Variants in TCF12 observed in about 807,000 individuals in gnomAD.
TCF12 encodes the protein DNA-binding protein HTF4.
A neutral mutation model predicts 86.0 loss-of-function variants in TCF12; 45 were observed. The ratio of observed to expected loss-of-function variants is 0.52; its 90% CI spans 0.41 to 0.67. The LOEUF is 0.67. Ranked by LOEUF, TCF12 falls within the 30% of genes least tolerant of loss-of-function variation. The pLI, the probability that TCF12 is intolerant of heterozygous loss-of-function variation, is 0.00. For missense variants in TCF12, 881 were observed against 859.9 expected, an observed-to-expected ratio of 1.02 and a Z score of -0.31; for synonymous variants, 330 against 299.6, an observed-to-expected ratio of 1.10 and a Z score of -1.05.
At chr15:57,012,472 C>T (rs193097214) in intron 3 of TCF12, among the ~76,000 whole-genome samples, 29 of 152,212 alleles carry the variant, frequency 1.9e-4, no homozygotes, top group Non-Finnish European at 2.6e-4. Flanking sequence ...AACTCTTGTA[C>T]GCCGCATTGA....
In TCF12 at chr15:56,920,985, A is replaced by T. The variant is rs139011395; in HGVS notation, c.76-41A>T. 3.3e-6 allele frequency: 5 copies of T among 1,499,104 alleles called. No individual in the cohort carries two copies. The African/African-American group carries it at 7.0e-5, about 21-fold the overall frequency. The allele number at this position is 1,499,104 out of a possible 1,614,324, so 92.9% of individuals were successfully genotyped here. On this transcript the variant is annotated intron_variant, in intron 2 of 20. Transcript: ENST00000333725. ...GACTTTTGTTTGCAAGGAATCTAGA[A>T]GAATTTCAGGACTAACAGATATATT...
rs766021329 is a variant in TCF12, at chr15:57,287,970, G to A, written c.*1825G>A. 1.3e-5 allele frequency: 2 copies of A among 152,328 alleles called. No homozygotes were observed. Among genetic ancestry groups the A allele is most frequent in the African/African-American group, 2.4e-5 (1 of 41,340 alleles). 9.4% of individuals were successfully genotyped at this position (152,328 alleles called of 1,614,324 possible). On this transcript the variant is annotated 3_prime_UTR_variant, in exon 21 of 21. Transcript: ENST00000333725. ...TTCTTCAGAGCTTGTTGTCTTTTTC[G>A]CTATATTAGACTTTGCAGTATGCCC...
intron 4 of TCF12, among the ~76,000 whole-genome samples, chr15:57,065,620 C>T (rs749418949): frequency 2.0e-5 from 3 of 150,054 alleles, no homozygotes; most frequent in South Asian, 2.1e-4. Flanking sequence ...CTTTCTTCAC[C>T]GCCCCGCCCC....
At chr15:57,080,827 G>C (rs553884966) in intron 4 of TCF12, among the ~76,000 whole-genome samples, 1 of 152,028 alleles carries the variant, frequency 6.6e-6, no homozygotes, top group Non-Finnish European at 1.5e-5. Context: ...TTTAACATAA[G>C]GGTACTCAAC....
At chr15:57,052,885 A>G (rs1357853914) in intron 3 of TCF12, among the ~76,000 whole-genome samples, 2 of 152,256 alleles carry the variant, frequency 1.3e-5, no homozygotes, top group African/African-American at 4.8e-5. Context: ...TTGTTTCCAC[A>G]TTTTTACTAT....
At chr15:57,207,376 TAATA>T (rs1402522232) in intron 8 of TCF12, among the ~76,000 whole-genome samples, 2 of 152,048 alleles carry the variant, frequency 1.3e-5, no homozygotes, top group African/African-American at 4.8e-5. Flanking sequence ...TAATAATAAA[TAATA>T]AATAGGCCGG....
At chr15:57,127,443 GCAAC>G (rs2051750369) in intron 5 of TCF12, among the ~76,000 whole-genome samples, 1 of 151,994 alleles carries the variant, frequency 6.6e-6, no homozygotes, top group Admixed American at 6.6e-5. Context: ...ACAAGTAAAG[GCAAC>G]CTATAATAGA....
chr15:57,034,787 A>G (rs777872306), intron 3 of TCF12, among the ~76,000 whole-genome samples: 11 of 152,156 alleles, frequency 7.2e-5, no homozygotes, highest in African/African-American at 1.2e-4. Context: ...TTAAACCCAG[A>G]ACTAGGACAC....
intron 5 of TCF12, among the ~76,000 whole-genome samples, chr15:57,142,909 G>A (rs923788991): frequency 1.3e-5 from 2 of 152,158 alleles, no homozygotes; most frequent in South Asian, 4.1e-4. Context: ...GGATATGAAA[G>A]TCAAGAAAGT....
chr15:57,126,084 A>G (rs890493699), intron 5 of TCF12, among the ~76,000 whole-genome samples: 2 of 152,208 alleles, frequency 1.3e-5, no homozygotes, highest in Admixed American at 6.5e-5. Context: ...TAACAACAAC[A>G]ACAAAGAAAT....
chr15:57,045,180 A>G (rs1472057185), intron 3 of TCF12, among the ~76,000 whole-genome samples: 1 of 152,366 alleles, frequency 6.6e-6, no homozygotes, highest in South Asian at 2.1e-4. Context: ...TTCCAGACAC[A>G]TTACATGCTG....
At chr15:57,070,597 A>G (rs1353731665) in intron 4 of TCF12, among the ~76,000 whole-genome samples, 2 of 152,228 alleles carry the variant, frequency 1.3e-5, no homozygotes, top group East Asian at 3.8e-4. Context: ...ATCCTGGACC[A>G]TTCCTGCCAG....
intron 3 of TCF12, among the ~76,000 whole-genome samples, chr15:56,982,969 A>G (rs1316076385): frequency 6.6e-6 from 1 of 152,222 alleles, no homozygotes; most frequent in Non-Finnish European, 1.5e-5. Context: ...CTGCAAATGA[A>G]TTATATAAAA....
chr15:57,043,007 C>A (rs1409394375), intron 3 of TCF12, among the ~76,000 whole-genome samples: 2 of 152,074 alleles, frequency 1.3e-5, no homozygotes, highest in East Asian at 1.9e-4. Context: ...CAGTATTTGT[C>A]CTTTTGTGAC....
intron 13 of TCF12, chr15:57,247,996 C>A: frequency 2.8e-6 from 2 of 721,268 alleles, no homozygotes; most frequent in South Asian, 1.4e-5. Flanking sequence ...CACCCCACCC[C>A]CACAGTGGTG....
At chr15:56,921,445 C>A (rs2059788774) in intron 3 of TCF12, among the ~76,000 whole-genome samples, 1 of 151,974 alleles carries the variant, frequency 6.6e-6, no homozygotes, top group Non-Finnish European at 1.5e-5. Flanking sequence ...TAAAGTAGAT[C>A]TACACACTAG....
At chr15:57,170,643 A>AAATATATATATATATATAATATAT (rs2055262033) in intron 6 of TCF12, among the ~76,000 whole-genome samples, 3 of 20,746 alleles carry the variant, frequency 1.4e-4, no homozygotes, top group African/African-American at 1.3e-3. Flanking sequence ...TATATATATA[A>AAATATATATATATATATAATATAT]TATATATATT....
At chr15:57,220,321 C>T (rs1016192901) in intron 8 of TCF12, among the ~76,000 whole-genome samples, 2 of 152,076 alleles carry the variant, frequency 1.3e-5, no homozygotes, top group African/African-American at 4.8e-5. Context: ...CTAGGATATT[C>T]ATAAAAATAA....
At chr15:56,957,737 A>AT (rs2061559681) in intron 3 of TCF12, among the ~76,000 whole-genome samples, 2 of 151,822 alleles carry the variant, frequency 1.3e-5, no homozygotes, top group African/African-American at 2.4e-5. Flanking sequence ...CTGCCCTGTA[A>AT]TTTTTTATTG....
Sources: gnomAD v4.1 joint callset for allele counts (sites outside exome capture counted in the v4.1 genomes callset) on GRCh38, gnomAD v4.1.1 for gene constraint, MANE v1.5 for transcripts, NCBI Gene and HGNC (gene_info 2026-07-23, HGNC 2026-07-21) for gene names.